The following FCSK variants were observed in gnomAD, a reference collection of about 807,000 sequenced individuals.
FCSK encodes L-fucose kinase.
A neutral mutation model predicts 122.5 loss-of-function variants in FCSK; 123 were observed. The ratio of observed to expected loss-of-function variants is 1.00; its 90% CI spans 0.87 to 1.17. The LOEUF is 1.17. Among genes scored for constraint, FCSK ranks in the 50% most tolerant of loss-of-function variants. The probability of loss-of-function intolerance (pLI) is 0.00; values close to 1 mark genes in which losing one functional copy is unlikely to be tolerated. For synonymous variants in FCSK, 620 were observed against 625.5 expected (o/e 0.99, Z 0.13); for missense variants, 1,366 against 1,450.4 (o/e 0.94, Z 0.95).
At chr16:70,470,881 C>A in intron 11 of FCSK, 90 bp from the exon 12 acceptor site, 2 of 1,164,862 alleles carry the variant, frequency 1.7e-6, no homozygotes, top group South Asian at 1.4e-5. Context: ...TAGGCCTGGA[C>A]GCTTTGCCCC....
At chr16:70,459,867 T>G (rs549499516) in intron 1 of FCSK, among the ~76,000 whole-genome samples, 1 of 150,532 alleles carries the variant, frequency 6.6e-6, no homozygotes, top group South Asian at 2.1e-4. Flanking sequence ...AATGGTATGG[T>G]CTCGGCTCAC....
intron 2 of FCSK, 111 bp downstream of exon 2, chr16:70,463,383 C>A (rs1436869506): frequency 1.0e-6 from 1 of 961,600 alleles, no homozygotes; most frequent in Non-Finnish European, 1.6e-6. Context: ...ACCCAGATTG[C>A]ACTTCTCCCT....
At chr16:70,466,521 C>A in intron 5 of FCSK, 1 of 485,714 alleles carries the variant, frequency 2.1e-6, no homozygotes, top group South Asian at 2.9e-5. Context: ...AGCAAGACCC[C>A]ATCTCTACAA....
chr16:70,454,750 C>T (rs2048035574), intron 1 of FCSK, 120 bp downstream of exon 1: 1 of 152,184 alleles, frequency 6.6e-6, no homozygotes, highest in Admixed American at 6.5e-5. Flanking sequence ...GCGGGCCGCC[C>T]GGGTCCTGAC....
At chr16:70,468,749 C>A in intron 8 of FCSK, 100 bp from the exon 9 acceptor site, 1 of 1,447,748 alleles carries the variant, frequency 6.9e-7, no homozygotes, top group Non-Finnish European at 9.5e-7. Flanking sequence ...CCTGGTATGG[C>A]ACTCAGCTTC....
Position 70,465,156 on chromosome 16 carries a change from T to C in FCSK, c.265T>C (p.Trp89Arg). The C allele has an allele frequency of 1.2e-6, 2 of 1,613,340 alleles. No individual in the cohort carries two copies. Among genetic ancestry groups the C allele is most frequent in the Non-Finnish European group, 1.7e-6 (2 of 1,179,480 alleles). ...CACATCCGATGTCCTGCACTCGGCC[T>C]GGATCCTCATTCTGCACATGGTAAA... ...VVTSDVLHSAWILILHMGRDF... is the reference protein window; with the variant it reads ...VVTSDVLHSARILILHMGRDF... Residue 89 changes from tryptophan to arginine, a missense_variant, in exon 4 of 24, where the codon TGG (tryptophan) becomes CGG (arginine). Coordinates refer to ENST00000288078, the MANE Select transcript of FCSK (RefSeq NM_145059.3).
At position 70,478,666 on chromosome 16, in the gene FCSK, T is replaced by TG. The variant is rs757445246; in HGVS notation, c.2929+23dup. 76 of 1,607,712 alleles carry TG rather than the reference T, an allele frequency of 4.7e-5. 1 individual carries two copies. Among genetic ancestry groups the TG allele is most frequent in the Middle Eastern group, 1.6e-4 (1 of 6,068 alleles). ...TTCCGCCAAGGTGAGGGGCTTCCTC[T>TG]GGGGGGGTCAGGGCACTGGGAGCGA... On this transcript the variant is annotated intron_variant, in intron 22 of 23. Transcript: ENST00000288078.
chr16:70,463,698 G>A lies in FCSK; in HGVS notation c.158G>A (p.Arg53His), dbSNP rs369355398. The A allele has an allele frequency of 5.5e-5, 88 of 1,612,928 alleles. No individual in the cohort carries two copies. Among genetic ancestry groups the A allele is most frequent in the Admixed American group, 3.0e-4 (18 of 59,994 alleles). Residue 53 changes from arginine (R) to histidine (H), a missense_variant, in exon 3 of 24, where the codon CGT becomes CAT. Physicochemically the swap from Arg to His is conservative, Grantham distance 29. Coordinates refer to ENST00000288078, the MANE Select transcript of FCSK (RefSeq NM_145059.3). ...LLLAVEDPEK[R>H]VGSGGATLNA... is the part of the protein sequence containing the mutation. ...CTGGCCGTGGAGGACCCAGAGAAGCGTGTGGGCAGCGGAGGAGCCACCCTC... is the reference window on the plus strand; with the variant it reads ...CTGGCCGTGGAGGACCCAGAGAAGCATGTGGGCAGCGGAGGAGCCACCCTC...
chr16:70,471,018 G>A lies in FCSK; in HGVS notation c.1116G>A (p.Leu372=). Residue 372 remains leucine (L), a synonymous_variant, in exon 12 of 24, where the codon CTG becomes CTA. Transcript: ENST00000288078. The part of the protein sequence containing the change: ...AAGSSVVSCL[L]EGPVQLGPGS... ...GGAGCTCTGTGGTCAGCTGCCTGCT[G>A]GAGGGCCCTGTCCAGCTGGGTCCTG... 1.9e-6 allele frequency: 3 copies of A among 1,602,546 alleles called. No homozygotes were observed. In the East Asian group the frequency reaches 6.7e-5, roughly 36 times the overall value.
chr16:70,475,727 G>T lies in FCSK; in HGVS notation c.2601G>T (p.Leu867=). 6.2e-7 allele frequency: 1 copy of T among 1,603,392 alleles called. No individual in the cohort carries two copies. The highest frequency in any genetic ancestry group is 8.5e-7 in the Non-Finnish European group (1 of 1,175,624). ...AAGRVVGTEA[L]IHAVLHLEQV... ...GCCGGGTGGTGGGCACGGAAGCCCTGATCCACGCAGTGCTGCACCTGGAGC... is the reference window on the plus strand; with the variant it reads ...GCCGGGTGGTGGGCACGGAAGCCCTTATCCACGCAGTGCTGCACCTGGAGC... The change falls in exon 20 of 24, where the codon CTG becomes CTT. Residue 867 remains leucine, a synonymous_variant. Transcript: ENST00000288078.
chr16:70,473,100 G>C lies in FCSK; in HGVS notation c.1524G>C (p.Met508Ile). 1 of 1,587,752 alleles carries C rather than the reference G, an allele frequency of 6.3e-7. No individual in the cohort carries two copies. Among genetic ancestry groups the C allele is most frequent in the Non-Finnish European group, 8.6e-7 (1 of 1,168,058 alleles). Residue 508 changes from methionine to isoleucine, a missense_variant, in exon 15 of 24, where the codon ATG becomes ATC. By Grantham distance (10) the Met-to-Ile change is conservative. Coordinates refer to ENST00000288078, the MANE Select transcript of FCSK (RefSeq NM_145059.3). The surrounding 1 kb of genome is among the most constrained non-coding windows in gnomAD (Gnocchi z 4.9). ...TGGGACCCCAGGACCTGCTGTGGAT[G>C]CTGGACCACCAGGAGGATGGGGGCG... ...RELGPQDLLWMLDHQEDGGEA... is the reference protein window; with the variant it reads ...RELGPQDLLWILDHQEDGGEA...
chr16:70,471,290 A>G lies in FCSK; in HGVS notation c.1279A>G (p.Thr427Ala), dbSNP rs1371389926. ...TGACCTTGTCCTGCAGGGACACCAC[A>G]CGCGGCTACACGGCTCCCCGGGCCA... ...LRDLVLQGHH[T>A]RLHGSPGHAF... The change falls in exon 13 of 24, where the codon ACG becomes GCG. Residue 427 changes from threonine (T) to alanine (A), a missense_variant. Thr to Ala is a moderately conservative substitution (Grantham distance 58). Coordinates refer to ENST00000288078, the MANE Select transcript of FCSK (RefSeq NM_145059.3). 6.9e-6 allele frequency: 11 copies of G among 1,605,318 alleles called. No individual in the cohort carries two copies. Among genetic ancestry groups the G allele is most frequent in the Admixed American group, 1.7e-5 (1 of 58,954 alleles).
At position 70,473,278 on chromosome 16, in the gene FCSK, C is replaced by G; in HGVS notation, c.1702C>G (p.Leu568Val). ...GCACGTGCTGGAGGCCCGGCAGGACCTCAGCCTGCGCCCGCTGATCTGGGC... is the reference window on the plus strand; with the variant it reads ...GCACGTGCTGGAGGCCCGGCAGGACGTCAGCCTGCGCCCGCTGATCTGGGC... ...ARHVLEARQD[L>V]SLRPLIWAAV... Residue 568 changes from leucine to valine, a missense_variant, in exon 15 of 24, where the codon CTC becomes GTC. Coordinates refer to ENST00000288078, the MANE Select transcript of FCSK (RefSeq NM_145059.3). The surrounding 1 kb of genome is among the most constrained non-coding windows in gnomAD (Gnocchi z 4.9). 2.6e-6 allele frequency: 4 copies of G among 1,530,026 alleles called. No individual in the cohort carries two copies. Among genetic ancestry groups the G allele is most frequent in the Non-Finnish European group, 3.5e-6 (4 of 1,140,688 alleles). The allele number at this position is 1,530,026 out of a possible 1,614,324, so 94.8% of individuals were successfully genotyped here.
intron 1 of FCSK, among the ~76,000 whole-genome samples, chr16:70,455,672 A>G (rs1394857243): frequency 6.6e-6 from 1 of 151,884 alleles, no homozygotes; most frequent in Non-Finnish European, 1.5e-5. Flanking sequence ...CAGGTAGATC[A>G]CCTATGGTCA....
At chr16:70,458,981 G>A (rs2048178390) in intron 1 of FCSK, among the ~76,000 whole-genome samples, 2 of 151,866 alleles carry the variant, frequency 1.3e-5, no homozygotes, top group South Asian at 2.1e-4. Flanking sequence ...AAAAGGCTGA[G>A]GCAGGAGGAT....
rs1183807010 is a variant in FCSK at position 70,469,165 on chromosome 16, T to G, written c.797T>G (p.Phe266Cys). 1.2e-6 allele frequency: 2 copies of G among 1,614,074 alleles called. No homozygotes were observed. The highest frequency in any genetic ancestry group is 1.7e-6 in the Non-Finnish European group (2 of 1,180,042). ...GARPVQLSLF[F>C]DILHCMAENV... Reference sequence around the variant, plus strand: ...CCCTTCCCCTAGCTGTCTCTGTTTTTTGACATTCTCCACTGCATGGCTGAG... The same window carrying G: ...CCCTTCCCCTAGCTGTCTCTGTTTTGTGACATTCTCCACTGCATGGCTGAG... The change falls in exon 10 of 24, where the codon TTT becomes TGT. Residue 266 changes from phenylalanine to cysteine, a missense_variant. By Grantham distance (205) the Phe-to-Cys change is radical. Transcript: ENST00000288078.
At chr16:70,462,797 G>T (rs984397036) in intron 1 of FCSK, among the ~76,000 whole-genome samples, 10 of 149,602 alleles carry the variant, frequency 6.7e-5, no homozygotes, top group African/African-American at 2.2e-4. Flanking sequence ...GGCATGCCCC[G>T]CCACACCCGG....
At chr16:70,466,647 C>T (rs940752325) in intron 5 of FCSK, 18 of 548,190 alleles carry the variant, frequency 3.3e-5, no homozygotes, top group African/African-American at 1.3e-4. Flanking sequence ...CAGTGAGCTA[C>T]GATCGCACTA....
Position 70,475,647 on chromosome 16 carries a change from G to A in FCSK, c.2522-1G>A, listed in dbSNP as rs1206547656. ...TCTGCTCTCTCCTCTCCGCCCTGCA[G>A]GCACCAGCAGCATCCTGGCAGGCAC... is the stretch of plus-strand genomic sequence containing the variant. On this transcript the variant is annotated splice_acceptor_variant, in intron 19 of 23. Coordinates refer to ENST00000288078, the MANE Select transcript of FCSK (RefSeq NM_145059.3). LOFTEE classifies it high-confidence loss of function. 2.5e-6 allele frequency: 4 copies of A among 1,592,328 alleles called. No individual in the cohort carries two copies. The highest frequency in any genetic ancestry group is 2.7e-5 in the African/African-American group (2 of 74,496).
Sources: gnomAD v4.1 joint callset for allele counts (sites outside exome capture counted in the v4.1 genomes callset) on GRCh38, gnomAD v4.1.1 for gene constraint, Gnocchi (gnomAD v3.1) non-coding constraint, MANE v1.5 for transcripts, NCBI Gene and HGNC (gene_info 2026-07-23, HGNC 2026-07-21) for gene names.